Variants in GAREM2 observed in about 807,000 individuals in gnomAD.
GAREM2 encodes the protein GRB2-associated and regulator of MAPK protein 2.
GAREM2 carries 30 observed loss-of-function variants against 55.6 expected under a neutral mutation model. That is an observed-to-expected ratio of 0.54 (90% CI 0.40 to 0.73). The LOEUF (loss-of-function observed/expected upper bound fraction) is 0.73, where lower values mean the gene tolerates loss of function less well. Ranked by LOEUF, GAREM2 falls within the 30% of genes least tolerant of loss-of-function variation. GAREM2 has a pLI of 0.00. For missense variants in GAREM2, 1,075 were observed against 1,257.7 expected, an observed-to-expected ratio of 0.85 and a Z score of 2.20; for synonymous variants, 550 against 569.1, an observed-to-expected ratio of 0.97 and a Z score of 0.48.
At chr2:26,181,129 C>G (rs951581046) in intron 2 of GAREM2, 2 of 985,258 alleles carry the variant, frequency 2.0e-6, no homozygotes, top group African/African-American at 3.5e-5. Flanking sequence ...AGAGCTGAAC[C>G]TGGATCATGG....
chr2:26,203,936 T>G, the GAREM2 span: 1 of 946,570 alleles, frequency 1.1e-6, no homozygotes, highest in South Asian at 1.3e-5. Context: ...CTCATTATGT[T>G]CAGGAAAAAG....
the GAREM2 span, chr2:26,195,009 A>T: frequency 8.6e-7 from 1 of 1,167,604 alleles, no homozygotes; most frequent in Non-Finnish European, 1.3e-6. Flanking sequence ...TTGCCCCAGA[A>T]TATTTATAAA....
the GAREM2 span, among the ~76,000 whole-genome samples, chr2:26,196,007 C>A: frequency 6.6e-6 from 1 of 152,214 alleles, no homozygotes; most frequent in Non-Finnish European, 1.5e-5. Flanking sequence ...TTTGCTTTCT[C>A]CCTCTCACTT....
chr2:26,183,163 T>G, intron 3 of GAREM2, 66 bp downstream of exon 3: 1 of 1,509,232 alleles, frequency 6.6e-7, no homozygotes, highest in Non-Finnish European at 9.0e-7. Context: ...CAACCCTGAC[T>G]CTGGTTGGAA....
At chr2:26,201,858 G>A in the GAREM2 span, among the ~76,000 whole-genome samples, 2 of 151,596 alleles carry the variant, frequency 1.3e-5, no homozygotes, top group African/African-American at 2.4e-5. Context: ...GCAGTGGCGT[G>A]ATCTCAGCTC....
In GAREM2 at chr2:26,184,457, C is replaced by G; in HGVS notation, c.609C>G (p.Gly203=). ...ASAGAAGGTG[G]GGARPVKGKM... is the part of the protein sequence containing the mutation. ...CGGGGGCCGCGGGAGGCACTGGCGG[C>G]GGGGGCGCCAGGCCGGTCAAAGGCA... Residue 203 remains glycine, a synonymous_variant, in exon 4 of 6, where the codon GGC becomes GGG. Transcript: ENST00000401533. The G allele has an allele frequency of 6.7e-7, 1 of 1,491,476 alleles. No homozygotes were observed. 92.4% of individuals were successfully genotyped at this position (1,491,476 alleles called of 1,614,324 possible).
downstream of GAREM2, chr2:26,193,911 A>G (rs184904266): frequency 1.2e-5 from 8 of 684,472 alleles, no homozygotes; most frequent in African/African-American, 1.8e-5. Flanking sequence ...GACTGGTGCT[A>G]TTTCATTCAG....
At chr2:26,190,914 G>A, downstream of GAREM2, 1 of 453,834 alleles carries the variant, frequency 2.2e-6, no homozygotes, top group Non-Finnish European at 4.1e-6. Flanking sequence ...TTGGCTGGGT[G>A]CAGAACTGCC....
the GAREM2 span, among the ~76,000 whole-genome samples, chr2:26,197,481 G>A: frequency 6.6e-6 from 1 of 152,158 alleles, no homozygotes. Context: ...ATGCCCATTT[G>A]GGATCCTTGA....
rs778699518 is a variant in GAREM2 at position 26,187,322 on chromosome 2, G to A, written c.1690G>A (p.Glu564Lys). 4.6e-6 allele frequency: 7 copies of A among 1,531,882 alleles called. No individual in the cohort carries two copies. The South Asian group carries it at 6.1e-5, about 13-fold the overall frequency. 94.9% of individuals were successfully genotyped at this position (1,531,882 alleles called of 1,614,324 possible). ...CACCTGGGGAGACTGCAAGGTGGGC[G>A]AGTCCTCTAGCCGCCCAGCCCCCGG... ...PCTWGDCKVG[E>K]SSSRPAPGPL... The change falls in exon 6 of 6, where the codon GAG becomes AAG. Residue 564 changes from glutamate (E) to lysine (K), a missense_variant. Physicochemically the swap from Glu to Lys is moderately conservative, Grantham distance 56 (BLOSUM62 1). Transcript: ENST00000401533.
At position 26,173,229 on chromosome 2, in the gene GAREM2, G is replaced by A. The variant is rs754832050; in HGVS notation, c.9G>A (p.Lys3=). ...CCCGGGGCGCCCATGCCATGGAGAAGCTGGCGGCCGGGCTGGCCGGCCTGC... is the reference window on the plus strand; with the variant it reads ...CCCGGGGCGCCCATGCCATGGAGAAACTGGCGGCCGGGCTGGCCGGCCTGC... ME[K]LAAGLAGLRW... Residue 3 remains lysine, a synonymous_variant, in exon 1 of 6, where the codon AAG becomes AAA. Coordinates refer to ENST00000401533, the MANE Select transcript of GAREM2 (RefSeq NM_001168241.2). 7.6e-7 allele frequency: 1 copy of A among 1,316,036 alleles called. No individual in the cohort carries two copies. Among genetic ancestry groups the A allele is most frequent in the South Asian group, 1.9e-5 (1 of 51,894 alleles). 81.5% of individuals were successfully genotyped at this position (1,316,036 alleles called of 1,614,324 possible).
At chr2:26,173,876 G>T (rs936510657) in intron 1 of GAREM2, among the ~76,000 whole-genome samples, 1 of 151,846 alleles carries the variant, frequency 6.6e-6, no homozygotes, top group Non-Finnish European at 1.5e-5. Context: ...GCGGGAGCCG[G>T]GTCTGCTGCC....
chr2:26,183,139 C>A, intron 3 of GAREM2, 42 bp downstream of exon 3: 6 of 1,545,596 alleles, frequency 3.9e-6, no homozygotes, highest in South Asian at 3.6e-5. Context: ...CCACACTACT[C>A]CTTGCCTCAG....
intron 5 of GAREM2, 55 bp from the exon 6 acceptor site, chr2:26,187,176 G>C (rs533731185): frequency 7.1e-7 from 1 of 1,408,382 alleles, no homozygotes; most frequent in South Asian, 1.7e-5. Flanking sequence ...TGACCCTATC[G>C]GATTCCCTCT....
Position 26,187,565 on chromosome 2 carries a change from G to A in GAREM2, c.1933G>A (p.Ala645Thr). The part of the protein sequence containing the change: ...GPAYPSGPSA[A>T]LSSGPRTTSG... Reference sequence around the variant, plus strand: ...TGCCTACCCCTCAGGCCCTTCAGCGGCCTTGTCTTCTGGGCCCAGAACCAC... The same window carrying A: ...TGCCTACCCCTCAGGCCCTTCAGCGACCTTGTCTTCTGGGCCCAGAACCAC... Residue 645 changes from alanine to threonine, a missense_variant, in exon 6 of 6, where the codon GCC (alanine) becomes ACC (threonine). Ala to Thr is a moderately conservative substitution (Grantham distance 58). Transcript: ENST00000401533. 1 of 1,545,284 alleles carries A rather than the reference G, an allele frequency of 6.5e-7. No homozygotes were observed. The highest frequency in any genetic ancestry group is 8.7e-7 in the Non-Finnish European group (1 of 1,143,972).
At position 26,184,848 on chromosome 2, in the gene GAREM2, G is replaced by A. The variant is rs1669179118; in HGVS notation, c.1000G>A (p.Asp334Asn). The change falls in exon 4 of 6, where the codon GAC (aspartate) becomes AAC (asparagine). Residue 334 changes from aspartate (D) to asparagine (N), a missense_variant. By Grantham distance (23) the Asp-to-Asn change is conservative (BLOSUM62 1). This residue lies in a region of GAREM2 where 170 missense variants were observed against 220.7 expected (regional missense o/e 0.77). Transcript: ENST00000401533. ...FALPQGLLAG[D>N]PRVERLVRDS... ...GCTGCCGCAGGGCCTGCTGGCCGGG[G>A]ACCCGCGCGTCGAGCGCCTGGTGCG... is the stretch of plus-strand genomic sequence containing the variant. 3.4e-6 allele frequency: 5 copies of A among 1,473,148 alleles called. No individual in the cohort carries two copies. Among genetic ancestry groups the A allele is most frequent in the Non-Finnish European group, 8.9e-7 (1 of 1,121,132 alleles). The allele number at this position is 1,473,148 out of a possible 1,614,324, so 91.3% of individuals were successfully genotyped here.
chr2:26,197,993 C>G, the GAREM2 span, among the ~76,000 whole-genome samples: 1 of 152,202 alleles, frequency 6.6e-6, no homozygotes, highest in Non-Finnish European at 1.5e-5. Flanking sequence ...CTGCCTTCCT[C>G]TAGTTATGGC....
the GAREM2 span, among the ~76,000 whole-genome samples, chr2:26,199,539 C>T: frequency 6.6e-6 from 1 of 152,068 alleles, no homozygotes; most frequent in Non-Finnish European, 1.5e-5. Flanking sequence ...AAACATTCTT[C>T]CCTTCCTTGG....
intron 2 of GAREM2, chr2:26,182,386 A>T: frequency 6.5e-7 from 1 of 1,546,282 alleles, no homozygotes; most frequent in East Asian, 2.4e-5. Flanking sequence ...AGCTGGGGTC[A>T]GAGTGGTTCT....
Sources: allele counts gnomAD v4.1 joint callset (sites outside exome capture counted in the v4.1 genomes callset), GRCh38; gene constraint gnomAD v4.1.1; regional missense constraint gnomAD v4.1.1; transcripts MANE v1.5; gene names NCBI Gene and HGNC (gene_info 2026-07-23, HGNC 2026-07-21).